NYAP2: variants seen among roughly 807,000 people sequenced by gnomAD.
The protein encoded by NYAP2 is neuronal tyrosine-phosphorylated phosphoinositide-3-kinase adapter 2.
Under a neutral mutation model 50.4 loss-of-function variants are expected in NYAP2, and 23 were observed. That is an observed-to-expected ratio of 0.46 (90% CI 0.33 to 0.65). The LOEUF is 0.65. Among genes scored for constraint, NYAP2 ranks in the 30% least tolerant of loss-of-function variants. The probability of loss-of-function intolerance (pLI) is 0.02; values close to 1 mark genes in which losing one functional copy is unlikely to be tolerated. For synonymous variants in NYAP2, 394 were observed against 365.2 expected, an observed-to-expected ratio of 1.08 and a Z score of -0.90; for missense variants, 885 against 861.0, an observed-to-expected ratio of 1.03 and a Z score of -0.35.
chr2:225,478,883 T>C (rs1024366764), intron 3 of NYAP2, among the ~76,000 whole-genome samples: 2 of 152,216 alleles, frequency 1.3e-5, no homozygotes, highest in Admixed American at 1.3e-4. Flanking sequence ...GAGCATGATC[T>C]GAATATTGTG....
intron 4 of NYAP2, among the ~76,000 whole-genome samples, chr2:225,555,128 A>G (rs995445062): frequency 2.0e-5 from 3 of 152,182 alleles, no homozygotes; most frequent in African/African-American, 7.2e-5. Context: ...AATAATTCTG[A>G]GACTGAAATC....
chr2:225,582,954 G>T lies in NYAP2; in HGVS notation c.1537G>T (p.Glu513Ter), dbSNP rs1467792482. ...CCGGACACCCACGAGCCCGCTGGAG[G>T]AGCTGACCAGCCTCTTCTCCTCCGG... Residue 513 changes from glutamate to a stop codon, truncating the protein, a stop_gained, in exon 5 of 7, where the codon GAG (glutamate) becomes TAG (stop). Transcript: ENST00000636099. LOFTEE classifies it high-confidence loss of function. The surrounding 1 kb of genome is among the most constrained non-coding windows in gnomAD (Gnocchi z 7.0). The T allele has an allele frequency of 6.2e-7, 1 of 1,612,284 alleles. No homozygotes were observed.
At chr2:225,435,274 C>T (rs1314344096) in intron 3 of NYAP2, among the ~76,000 whole-genome samples, 1 of 152,056 alleles carries the variant, frequency 6.6e-6, no homozygotes, top group African/African-American at 2.4e-5. Flanking sequence ...TTATTGAATA[C>T]ATAAGGCAGT....
downstream of NYAP2, among the ~76,000 whole-genome samples, chr2:225,658,602 A>G (rs1693863319): frequency 6.6e-6 from 1 of 152,218 alleles, no homozygotes. Context: ...ATGCAAGTGC[A>G]AAAAATATAT....
At chr2:225,554,613 T>C (rs986650838) in intron 4 of NYAP2, among the ~76,000 whole-genome samples, 4 of 152,058 alleles carry the variant, frequency 2.6e-5, no homozygotes, top group Non-Finnish European at 5.9e-5. Context: ...TGAGCCACTA[T>C]GCCCAGCCTA....
At chr2:225,699,593 TA>T in the NYAP2 span, 1 of 151,958 alleles carries the variant, frequency 6.6e-6, no homozygotes, top group East Asian at 1.9e-4. Flanking sequence ...TTAGATCTAT[TA>T]ATAAAATATG....
At chr2:225,650,134 C>G (rs1247697890) in intron 6 of NYAP2, among the ~76,000 whole-genome samples, 1 of 152,090 alleles carries the variant, frequency 6.6e-6, no homozygotes, top group Non-Finnish European at 1.5e-5. Flanking sequence ...TAAGCTTACT[C>G]ATTCTGTGTG....
chr2:225,601,999 C>T (rs1692700353), intron 5 of NYAP2, among the ~76,000 whole-genome samples: 1 of 152,132 alleles, frequency 6.6e-6, no homozygotes. Flanking sequence ...ATTTTTTTGT[C>T]TCATGACCAA....
intron 3 of NYAP2, among the ~76,000 whole-genome samples, chr2:225,509,920 A>G (rs1690781756): frequency 6.6e-6 from 1 of 152,192 alleles, no homozygotes; most frequent in Admixed American, 6.5e-5. Flanking sequence ...TTATTGGAGG[A>G]GAATAAGTCC....
intron 4 of NYAP2, among the ~76,000 whole-genome samples, chr2:225,573,022 A>G (rs1175229435): frequency 1.3e-5 from 2 of 152,254 alleles, no homozygotes; most frequent in East Asian, 3.9e-4. Context: ...GTGATTTTAT[A>G]ATACTCAAAG....
intron 4 of NYAP2, among the ~76,000 whole-genome samples, chr2:225,527,853 G>T (rs2106195137): frequency 6.6e-6 from 1 of 152,120 alleles, no homozygotes; most frequent in South Asian, 2.1e-4. Context: ...TTGTTATGTT[G>T]CCTGGGCTCA....
intron 3 of NYAP2, among the ~76,000 whole-genome samples, chr2:225,504,871 G>A (rs1040287867): frequency 1.3e-5 from 2 of 152,052 alleles, no homozygotes; most frequent in African/African-American, 2.4e-5. Flanking sequence ...AGCTGGGTAT[G>A]GTGGTGTCTG....
intron 4 of NYAP2, among the ~76,000 whole-genome samples, chr2:225,528,255 T>G (rs943732219): frequency 6.6e-6 from 1 of 152,200 alleles, no homozygotes; most frequent in African/African-American, 2.4e-5. Flanking sequence ...GGAAAGTTAA[T>G]GAAAACTGCA....
At chr2:225,473,528 G>A (rs1314635671) in intron 3 of NYAP2, among the ~76,000 whole-genome samples, 2 of 152,178 alleles carry the variant, frequency 1.3e-5, no homozygotes, top group Admixed American at 1.3e-4. Flanking sequence ...GTATCTCATT[G>A]TGGTTTTGAT....
At chr2:225,602,300 G>A (rs982902117) in intron 5 of NYAP2, among the ~76,000 whole-genome samples, 1 of 152,180 alleles carries the variant, frequency 6.6e-6, no homozygotes, top group Non-Finnish European at 1.5e-5. Context: ...TTACGGAGAG[G>A]TAGGCATATG....
At chr2:225,465,641 G>A (rs1470016612) in intron 3 of NYAP2, among the ~76,000 whole-genome samples, 3 of 152,076 alleles carry the variant, frequency 2.0e-5, no homozygotes, top group Non-Finnish European at 4.4e-5. Context: ...GAGTGAACCC[G>A]GGAGGCAGAG....
chr2:225,404,889 T>G (rs992672648), intron 2 of NYAP2, among the ~76,000 whole-genome samples: 5 of 151,890 alleles, frequency 3.3e-5, no homozygotes, highest in African/African-American at 9.7e-5. Flanking sequence ...ATCTGTAGAT[T>G]GTATAGGAAA....
chr2:225,503,776 C>T (rs900258909), intron 3 of NYAP2, among the ~76,000 whole-genome samples: 1 of 152,144 alleles, frequency 6.6e-6, no homozygotes, highest in African/African-American at 2.4e-5. Flanking sequence ...CTTAAATTAT[C>T]ATGGTGTTTG....
intron 5 of NYAP2, among the ~76,000 whole-genome samples, chr2:225,586,565 G>A (rs1226511156): frequency 6.6e-6 from 1 of 152,136 alleles, no homozygotes; most frequent in East Asian, 1.9e-4. Flanking sequence ...TTGTGTAAAT[G>A]GTAAGCAGGT....
Sources: allele counts gnomAD v4.1 joint callset (sites outside exome capture counted in the v4.1 genomes callset), GRCh38; gene constraint gnomAD v4.1.1; non-coding constraint Gnocchi (gnomAD v3.1); transcripts MANE v1.5; gene names NCBI Gene and HGNC (gene_info 2026-07-23, HGNC 2026-07-21).